SEZ6L: variants seen among roughly 807,000 people sequenced by gnomAD.
SEZ6L encodes seizure 6-like protein.
A neutral mutation model predicts 106.2 loss-of-function variants in SEZ6L; 37 were observed. The observed-to-expected ratio is 0.35, with a 90% CI of 0.27 to 0.46. The LOEUF is 0.46. Among genes scored for constraint, SEZ6L ranks in the 20% least tolerant of loss-of-function variants. The pLI is 1.00. For missense variants in SEZ6L, 1,172 were observed against 1,332.8 expected, an observed-to-expected ratio of 0.88 and a Z score of 1.88; for synonymous variants, 541 against 570.4, an observed-to-expected ratio of 0.95 and a Z score of 0.73.
intron 5 of SEZ6L, among the ~76,000 whole-genome samples, chr22:26,304,369 GA>G (rs1556332058): frequency 7.1e-5 from 7 of 98,304 alleles, no homozygotes; most frequent in Non-Finnish European, 1.2e-4. Flanking sequence ...AAAAAAGAAA[GA>G]AGAAAGAAAG....
intron 12 of SEZ6L, among the ~76,000 whole-genome samples, chr22:26,357,428 G>A (rs1441254381): frequency 6.6e-6 from 1 of 152,070 alleles, no homozygotes; most frequent in East Asian, 1.9e-4. Flanking sequence ...GGAGAGACAG[G>A]TCTATGAAGG....
intron 1 of SEZ6L, among the ~76,000 whole-genome samples, chr22:26,243,438 A>G (rs139692850): frequency 1.3e-5 from 2 of 152,314 alleles, no homozygotes; most frequent in East Asian, 3.9e-4. Context: ...GAGCCATGCA[A>G]ATAACTGGTG....
chr22:26,348,648 A>AAAAAGAAAGAAAGAAAGAAAG (rs1569473651), intron 11 of SEZ6L, among the ~76,000 whole-genome samples: 1 of 18,630 alleles, frequency 5.4e-5, no homozygotes, highest in Non-Finnish European at 1.1e-4. Context: ...AAGAAAGAAA[A>AAAAAGAAAGAAAGAAAGAAAG]AGAAAGAAAG....
At chr22:26,221,068 G>C (rs2078454869) in intron 1 of SEZ6L, among the ~76,000 whole-genome samples, 1 of 152,000 alleles carries the variant, frequency 6.6e-6, no homozygotes, top group Non-Finnish European at 1.5e-5. Context: ...AAGTAGGGAT[G>C]GAGAGAGGGA....
At chr22:26,225,443 A>G (rs2078607868) in intron 1 of SEZ6L, among the ~76,000 whole-genome samples, 1 of 152,126 alleles carries the variant, frequency 6.6e-6, no homozygotes, top group Admixed American at 6.5e-5. Flanking sequence ...GATTTTGAGA[A>G]AGAGGGTGGG....
At chr22:26,285,243 A>G (rs11702984) in intron 1 of SEZ6L, among the ~76,000 whole-genome samples, 17,968 of 152,248 alleles carry the variant, frequency 0.12, 1,167 homozygotes, top group Middle Eastern at 0.2. Context: ...TAATAAGTGC[A>G]GAATGAATGA....
intron 1 of SEZ6L, among the ~76,000 whole-genome samples, chr22:26,288,474 A>C (rs1225666737): frequency 6.6e-6 from 1 of 152,184 alleles, no homozygotes; most frequent in Admixed American, 6.5e-5. Flanking sequence ...AGGCTGATTC[A>C]AGCTGAGGAG....
chr22:26,203,136 G>A (rs1235601165), intron 1 of SEZ6L, among the ~76,000 whole-genome samples: 2 of 152,202 alleles, frequency 1.3e-5, no homozygotes, highest in African/African-American at 4.8e-5. Flanking sequence ...TCATCAGGGT[G>A]TCAGTGTCTA....
intron 1 of SEZ6L, among the ~76,000 whole-genome samples, chr22:26,259,238 T>A (rs1236667746): frequency 2.0e-5 from 3 of 151,852 alleles, no homozygotes; most frequent in Non-Finnish European, 2.9e-5. Flanking sequence ...AAGGTGAGGA[T>A]GAAATGGTCA....
intron 13 of SEZ6L, among the ~76,000 whole-genome samples, chr22:26,372,924 C>T (rs1444471143): frequency 3.3e-5 from 5 of 152,312 alleles, no homozygotes; most frequent in Non-Finnish European, 7.3e-5. Flanking sequence ...TCTGGGGCCT[C>T]GCAATTCATT....
intron 9 of SEZ6L, among the ~76,000 whole-genome samples, chr22:26,314,964 C>A (rs1191723065): frequency 1.3e-5 from 2 of 152,120 alleles, no homozygotes; most frequent in Non-Finnish European, 2.9e-5. Flanking sequence ...GAGAAGTGGA[C>A]AAAGACAGAC....
intron 1 of SEZ6L, among the ~76,000 whole-genome samples, chr22:26,243,318 C>T (rs2079201767): frequency 1.3e-5 from 2 of 152,070 alleles, no homozygotes; most frequent in Admixed American, 1.3e-4. Context: ...TCAGAGGGTG[C>T]CATGGAGAAA....
intron 1 of SEZ6L, among the ~76,000 whole-genome samples, chr22:26,224,541 A>G (rs1160727014): frequency 6.6e-6 from 1 of 152,184 alleles, no homozygotes; most frequent in African/African-American, 2.4e-5. Flanking sequence ...AGGATTGTGT[A>G]AAACTCACTC....
rs200976103 is a variant in SEZ6L at position 26,371,422 on chromosome 22, A to AT, written c.2795-2020dup. 1.6e-3 allele frequency among the ~76,000 whole-genome samples: 247 copies of AT among 151,316 alleles called. 1 individual carries two copies. Among genetic ancestry groups the AT allele is most frequent in the African/African-American group, 5.6e-3 (231 of 41,344 alleles). ...TCCTCGCCAGCACTGTATGTTTTCA[A>AT]TTTTTTTTTAATGCTGCCAAACTGA... On this transcript the variant is annotated intron_variant, in intron 13 of 16. Coordinates refer to ENST00000248933, the MANE Select transcript of SEZ6L (RefSeq NM_021115.5).
At chr22:26,319,227 TCCACTG>T (rs1347197997) in intron 9 of SEZ6L, among the ~76,000 whole-genome samples, 3 of 152,130 alleles carry the variant, frequency 2.0e-5, no homozygotes. Flanking sequence ...TTCTGACACC[TCCACTG>T]CCACCTGCAG....
At chr22:26,248,745 T>G (rs1481562526) in intron 1 of SEZ6L, among the ~76,000 whole-genome samples, 1 of 152,216 alleles carries the variant, frequency 6.6e-6, no homozygotes, top group Non-Finnish European at 1.5e-5. Flanking sequence ...CTCTGGAAGT[T>G]TAGGTTGACC....
Position 26,310,689 on chromosome 22 carries a change from C to G in SEZ6L, c.1534C>G (p.Gln512Glu), listed in dbSNP as rs1342315936. The change falls in exon 7 of 17, where the codon CAG (glutamine) becomes GAG (glutamate). Residue 512 changes from glutamine to glutamate, a missense_variant. Transcript: ENST00000248933. ...DKDRMTVHSGQTNKSALLYDS... is the reference protein window; with the variant it reads ...DKDRMTVHSGETNKSALLYDS... ...TGCCAGGATGACGGTTCACAGCGGG[C>G]AGACCAACAAGTCAGCTCTTCTCTA... The G allele has an allele frequency of 3.1e-6, 5 of 1,614,026 alleles. No individual in the cohort carries two copies. The highest frequency in any genetic ancestry group is 4.2e-6 in the Non-Finnish European group (5 of 1,180,020).
chr22:26,370,176 T>C (rs1269439718), intron 13 of SEZ6L, among the ~76,000 whole-genome samples: 3 of 151,560 alleles, frequency 2.0e-5, no homozygotes, highest in Non-Finnish European at 2.9e-5. Flanking sequence ...AGGTCAGGAG[T>C]TCGAGACCAT....
At chr22:26,190,275 G>A (rs1269539333) in intron 1 of SEZ6L, among the ~76,000 whole-genome samples, 2 of 152,060 alleles carry the variant, frequency 1.3e-5, no homozygotes, top group Non-Finnish European at 2.9e-5. Flanking sequence ...TGTCATATGT[G>A]TAAAGTTACA....
Sources: gnomAD v4.1 joint callset for allele counts (sites outside exome capture counted in the v4.1 genomes callset) on GRCh38, gnomAD v4.1.1 for gene constraint, MANE v1.5 for transcripts, NCBI Gene and HGNC (gene_info 2026-07-23, HGNC 2026-07-21) for gene names.